NUBP1: variants seen among roughly 807,000 people sequenced by gnomAD.
NUBP1 encodes the protein cytosolic Fe-S cluster assembly factor NUBP1.
Under a neutral mutation model 41.8 loss-of-function variants are expected in NUBP1, and 46 were observed. That is an observed-to-expected ratio of 1.10 (90% CI 0.87 to 1.41). The LOEUF is 1.41. Among genes scored for constraint, NUBP1 ranks in the 40% most tolerant of loss-of-function variants. The pLI is 0.00. For synonymous variants in NUBP1, 189 were observed against 154.6 expected (o/e 1.22, Z -1.65); for missense variants, 494 against 414.0 (o/e 1.19, Z -1.68).
At position 10,766,749 on chromosome 16, in the gene NUBP1, T is replaced by C. The variant is rs573492417; in HGVS notation, c.821-1200T>C. The C allele has an allele frequency of 1.5e-5, 6 of 395,216 alleles. No homozygotes were observed. The highest frequency in any genetic ancestry group is 1.8e-5 in the Non-Finnish European group (4 of 224,506). The allele number at this position is 395,216 out of a possible 1,614,324, so 24.5% of individuals were successfully genotyped here. On this transcript the variant is annotated intron_variant, in intron 9 of 10. Coordinates refer to ENST00000283027, the MANE Select transcript of NUBP1 (RefSeq NM_002484.4). The surrounding 1 kb of genome is among the most constrained non-coding windows in gnomAD (Gnocchi z 4.8). ...TGTGGGAGGAGAACGGGCCTGAGAA[T>C]AGGGGCTCAAAGGCCCCATTACAGA...
Position 10,766,986 on chromosome 16 carries a change from C to T in NUBP1, c.821-963C>T, listed in dbSNP as rs965069702. On this transcript the variant is annotated intron_variant, in intron 9 of 10. Transcript: ENST00000283027. This position sits in a 1 kb window ranked among gnomAD's most constrained non-coding sequence, Gnocchi z 4.8. ...GGCTCCCCATCTCCCACCAACCCCTCCCCACAGGCTTCTTCCCCGACTTGG... is the reference window on the plus strand; with the variant it reads ...GGCTCCCCATCTCCCACCAACCCCTTCCCACAGGCTTCTTCCCCGACTTGG... 2.5e-6 allele frequency: 1 copy of T among 398,702 alleles called. No individual in the cohort carries two copies. The highest frequency in any genetic ancestry group is 2.1e-5 in the African/African-American group (1 of 48,624). The allele number at this position is 398,702 out of a possible 1,614,324, so 24.7% of individuals were successfully genotyped here. A position where few individuals can be genotyped will look rare whatever the true frequency, so the allele number is the denominator to read the frequency against.
In NUBP1 at chr16:10,756,815, C is replaced by T. The variant is rs1044582571; in HGVS notation, c.451+35C>T. 4 of 1,552,888 alleles carry T rather than the reference C, an allele frequency of 2.6e-6. No homozygotes were observed. The African/African-American group carries it at 4.2e-5, about 16-fold the overall frequency. ...TCTGCCTTTTTTTGTCTCTCACATTCTTCCACGAGCGTTGTGGCTCTTGGC... is the reference window on the plus strand; with the variant it reads ...TCTGCCTTTTTTTGTCTCTCACATTTTTCCACGAGCGTTGTGGCTCTTGGC... On this transcript the variant is annotated intron_variant, in intron 6 of 10. Coordinates refer to ENST00000283027, the MANE Select transcript of NUBP1 (RefSeq NM_002484.4).
chr16:10,750,639 C>T (rs1900276951), intron 3 of NUBP1, among the ~76,000 whole-genome samples: 1 of 152,222 alleles, frequency 6.6e-6, no homozygotes. Context: ...GCGAGGCCCT[C>T]CTCTGGGTCC....
intron 9 of NUBP1, among the ~76,000 whole-genome samples, chr16:10,762,969 G>T (rs1327642741): frequency 6.6e-6 from 1 of 151,770 alleles, no homozygotes; most frequent in East Asian, 1.9e-4. Flanking sequence ...AGGAGTGGCT[G>T]CCCTGGGATA....
intron 6 of NUBP1, 88 bp downstream of exon 6, chr16:10,756,868 C>CA: frequency 9.7e-7 from 1 of 1,026,166 alleles, no homozygotes. Flanking sequence ...CTGCCAGTCT[C>CA]AGCCTGCTGG....
chr16:10,760,064 A>T (rs1405601005), intron 7 of NUBP1, among the ~76,000 whole-genome samples: 1 of 152,276 alleles, frequency 6.6e-6, no homozygotes, highest in African/African-American at 2.4e-5. Flanking sequence ...TATACACAGT[A>T]ATCACATTGG....
At chr16:10,752,552 T>TGTGTCTGGAGTGTGTGC in intron 3 of NUBP1, 58 bp from the exon 4 acceptor site, 1 of 1,370,074 alleles carries the variant, frequency 7.3e-7, no homozygotes, top group Non-Finnish European at 1.0e-6. Context: ...CCTAGTTGTG[T>TGTGTCTGGAGTGTGTGC]GTGTCTGGAG....
At position 10,766,970 on chromosome 16, in the gene NUBP1, T is replaced by TCTCCCACCAACCCCTCCCCAC. The variant is rs2030974669; in HGVS notation, c.821-978_821-958dup. The TCTCCCACCAACCCCTCCCCAC allele has an allele frequency of 2.5e-6, 1 of 398,556 alleles. No homozygotes were observed. The highest frequency in any genetic ancestry group is 2.1e-5 in the African/African-American group (1 of 48,592). The allele number at this position is 398,556 out of a possible 1,614,324, so 24.7% of individuals were successfully genotyped here. A position where few individuals can be genotyped will look rare whatever the true frequency, so the allele number is the denominator to read the frequency against. Reference sequence around the variant, plus strand: ...CTCACTGGGCCATATGGGCTCCCCATCTCCCACCAACCCCTCCCCACAGGC... The same window carrying TCTCCCACCAACCCCTCCCCAC: ...CTCACTGGGCCATATGGGCTCCCCATCTCCCACCAACCCCTCCCCACCTCCCACCAACCCCTCCCCACAGGC... On this transcript the variant is annotated intron_variant, in intron 9 of 10. Coordinates refer to ENST00000283027, the MANE Select transcript of NUBP1 (RefSeq NM_002484.4). This position sits in a 1 kb window ranked among gnomAD's most constrained non-coding sequence, Gnocchi z 4.8.
intron 2 of NUBP1, among the ~76,000 whole-genome samples, 194 bp from the exon 3 acceptor site, chr16:10,746,949 C>G (rs185144424): frequency 6.6e-6 from 1 of 152,248 alleles, no homozygotes; most frequent in African/African-American, 2.4e-5. Context: ...GAGACCCCTT[C>G]AAGTGTGATA....
Position 10,757,971 on chromosome 16 carries a change from G to T in NUBP1, c.550G>T (p.Val184Phe), listed in dbSNP as rs556528701. Residue 184 changes from valine (V) to phenylalanine (F), a missense_variant, in exon 7 of 11, where the codon GTC (valine) becomes TTC (phenylalanine). Val to Phe is a conservative substitution (Grantham distance 50). Transcript: ENST00000283027. This position sits in a 1 kb window ranked among gnomAD's most constrained non-coding sequence, Gnocchi z 4.1. ...PGTSDEHLSV[V>F]RYLATAHIDG... ...GACGTCGGATGAACACCTCTCGGTCGTCCGGTACCTGGCCACAGCACACAT... is the reference window on the plus strand; with the variant it reads ...GACGTCGGATGAACACCTCTCGGTCTTCCGGTACCTGGCCACAGCACACAT... 1.9e-6 allele frequency: 3 copies of T among 1,613,952 alleles called. No individual in the cohort carries two copies. The highest frequency in any genetic ancestry group is 1.7e-5 in the Admixed American group (1 of 59,990).
chr16:10,748,447 A>G (rs533692079), intron 3 of NUBP1, among the ~76,000 whole-genome samples: 1 of 152,070 alleles, frequency 6.6e-6, no homozygotes, highest in African/African-American at 2.4e-5. Context: ...CTGGATCTCA[A>G]CTTTAATAAA....
chr16:10,755,871 T>C (rs1375354429), intron 5 of NUBP1, 118 bp downstream of exon 5: 9 of 932,250 alleles, frequency 9.7e-6, no homozygotes, highest in Non-Finnish European at 1.4e-5. Flanking sequence ...GCACAGAGGA[T>C]GTGATTAAAA....
Position 10,769,262 on chromosome 16 carries a change from A to AC in NUBP1, c.*157_*158insC, listed in dbSNP as rs2031350945. On this transcript the variant is annotated 3_prime_UTR_variant, in exon 11 of 11. Coordinates refer to ENST00000283027, the MANE Select transcript of NUBP1 (RefSeq NM_002484.4). ...CCACTTTCTCAGAGACACTTTAATC[A>AC]TTGAGTATTTGTACACTTTTCTTTA... The AC allele has an allele frequency of 4.9e-6, 3 of 618,274 alleles. No homozygotes were observed. In the African/African-American group the frequency reaches 5.6e-5, roughly 11 times the overall value. The allele number at this position is 618,274 out of a possible 1,614,324, so 38.3% of individuals were successfully genotyped here. A position where few individuals can be genotyped will look rare whatever the true frequency, so the allele number is the denominator to read the frequency against.
chr16:10,752,649 C>G lies in NUBP1; in HGVS notation c.298C>G (p.Pro100Ala), dbSNP rs1313321955. Residue 100 changes from proline (P) to alanine (A), a missense_variant, in exon 4 of 11, where the codon CCC becomes GCC. Pro to Ala is a conservative substitution (Grantham distance 27, BLOSUM62 -1). Coordinates refer to ENST00000283027, the MANE Select transcript of NUBP1 (RefSeq NM_002484.4). ...LDIDICGPSI[P>A]KIMGLEGEQV... ...CATCGATATATGTGGGCCATCGATT[C>G]CCAAGATAATGGGATTGGAAGGAGA... 4 of 1,613,838 alleles carry G rather than the reference C, an allele frequency of 2.5e-6. No homozygotes were observed. The highest frequency in any genetic ancestry group is 1.6e-4 in the Middle Eastern group (1 of 6,062).
Position 10,757,964 on chromosome 16 carries a change from C to G in NUBP1, c.543C>G (p.Leu181=), listed in dbSNP as rs142124667. 8.1e-6 allele frequency: 13 copies of G among 1,614,028 alleles called. No homozygotes were observed. Among genetic ancestry groups the G allele is most frequent in the Non-Finnish European group, 1.0e-5 (12 of 1,180,042 alleles). The change falls in exon 7 of 11, where the codon CTC becomes CTG. Residue 181 remains leucine (L), a synonymous_variant. Coordinates refer to ENST00000283027, the MANE Select transcript of NUBP1 (RefSeq NM_002484.4). This position sits in a 1 kb window ranked among gnomAD's most constrained non-coding sequence, Gnocchi z 4.1. ...CACCTGGGACGTCGGATGAACACCT[C>G]TCGGTCGTCCGGTACCTGGCCACAG... ...DTPPGTSDEH[L]SVVRYLATAH...
intron 3 of NUBP1, among the ~76,000 whole-genome samples, chr16:10,747,940 A>AT (rs1900137503): frequency 6.6e-6 from 1 of 152,236 alleles, no homozygotes; most frequent in South Asian, 2.1e-4. Context: ...GAATGTTCAC[A>AT]TTTTTGAAAT....
In NUBP1 at chr16:10,744,017, C is replaced by A. The variant is rs769202922; in HGVS notation, c.76C>A (p.Pro26Thr). Reference sequence around the variant, plus strand: ...CAGAGGGGCTTCATGTCAGGGATGCCCCAACCAGCGGCTGTGCGCTTCTGG... The same window carrying A: ...CAGAGGGGCTTCATGTCAGGGATGCACCAACCAGCGGCTGTGCGCTTCTGG... ...AGRGASCQGCPNQRLCASGAG... is the reference protein window; with the variant it reads ...AGRGASCQGCTNQRLCASGAG... Residue 26 changes from proline (P) to threonine (T), a missense_variant, in exon 2 of 11, where the codon CCC becomes ACC. Pro to Thr is a conservative substitution (Grantham distance 38). Transcript: ENST00000283027. The A allele has an allele frequency of 5.7e-6, 9 of 1,580,466 alleles. No homozygotes were observed. The highest frequency in any genetic ancestry group is 5.1e-6 in the Non-Finnish European group (6 of 1,169,074).
In NUBP1 at chr16:10,767,815, A is replaced by T; in HGVS notation, c.821-134A>T. On this transcript the variant is annotated intron_variant, in intron 9 of 10. Transcript: ENST00000283027. The surrounding 1 kb of genome is among the most constrained non-coding windows in gnomAD (Gnocchi z 4.6). ...CCCTGAGACCCCACTGGTCTTTTCT[A>T]CTTTGTTCTTCATTACGAGTGAAGC... is the stretch of plus-strand genomic sequence containing the variant. 1 of 784,482 alleles carries T rather than the reference A, an allele frequency of 1.3e-6. No homozygotes were observed. The highest frequency in any genetic ancestry group is 2.1e-6 in the Non-Finnish European group (1 of 474,192). 48.6% of individuals were successfully genotyped at this position (784,482 alleles called of 1,614,324 possible).
Position 10,744,022 on chromosome 16 carries a change from C to G in NUBP1, c.81C>G (p.Asn27Lys), listed in dbSNP as rs762396990. The G allele has an allele frequency of 7.0e-6, 11 of 1,579,976 alleles. No homozygotes were observed. The African/African-American group carries it at 1.4e-4, about 20-fold the overall frequency. The change falls in exon 2 of 11, where the codon AAC (asparagine) becomes AAG (lysine). Residue 27 changes from asparagine (N) to lysine (K), a missense_variant. By Grantham distance (94) the Asn-to-Lys change is moderately conservative. Transcript: ENST00000283027. ...GRGASCQGCP[N>K]QRLCASGAGA... Reference sequence around the variant, plus strand: ...GGGCTTCATGTCAGGGATGCCCCAACCAGCGGCTGTGCGCTTCTGGAGCGG... The same window carrying G: ...GGGCTTCATGTCAGGGATGCCCCAAGCAGCGGCTGTGCGCTTCTGGAGCGG...
Sources: allele counts gnomAD v4.1 joint callset (sites outside exome capture counted in the v4.1 genomes callset), GRCh38; gene constraint gnomAD v4.1.1; non-coding constraint Gnocchi (gnomAD v3.1); transcripts MANE v1.5; gene names NCBI Gene and HGNC (gene_info 2026-07-23, HGNC 2026-07-21).